The following FCN1 variants were observed in gnomAD, a reference collection of about 807,000 sequenced individuals.
FCN1 encodes ficolin 1.
Under a neutral mutation model 35.6 loss-of-function variants are expected in FCN1, and 42 were observed. The ratio of observed to expected loss-of-function variants is 1.18; its 90% CI spans 0.92 to 1.53. FCN1 has a LOEUF of 1.53. FCN1 is among the 40% of genes most tolerant of loss of function. FCN1 has a pLI of 0.00. For missense variants in FCN1, 439 were observed against 428.4 expected (o/e 1.02, Z -0.22); for synonymous variants, 179 against 169.8 (o/e 1.05, Z -0.42).
At chr9:134,914,893 C>A in intron 2 of FCN1, 84 bp from the exon 3 acceptor site, 1 of 1,042,228 alleles carries the variant, frequency 9.6e-7, no homozygotes, top group Non-Finnish European at 1.5e-6. Flanking sequence ...TGGTTAAGTC[C>A]TGACCCTCCC....
chr9:134,909,763 C>T lies in FCN1; in HGVS notation c.*35G>A. On this transcript the variant is annotated 3_prime_UTR_variant, in exon 9 of 9. Coordinates refer to ENST00000371806, the MANE Select transcript of FCN1 (RefSeq NM_002003.5). ...GCAGCGCTTGTGGGTGTGGCCTCCC[C>T]ACTAGCAGGTGCATGTGGAGGGGTC... The T allele has an allele frequency of 6.2e-7, 1 of 1,609,226 alleles. No homozygotes were observed. The highest frequency in any genetic ancestry group is 8.5e-7 in the Non-Finnish European group (1 of 1,179,648).
chr9:134,913,537 T>G (rs1564219507), intron 5 of FCN1, 44 bp downstream of exon 5: 1 of 1,535,842 alleles, frequency 6.5e-7, no homozygotes, highest in Admixed American at 1.8e-5. Flanking sequence ...GCCCCAGGGG[T>G]GGGGGCAAGG....
At chr9:134,912,883 G>A in intron 6 of FCN1, 133 bp downstream of exon 6, 1 of 1,434,624 alleles carries the variant, frequency 7.0e-7, no homozygotes, top group Admixed American at 2.1e-5. Context: ...TTACCCACGG[G>A]TCACTTCCCC....
chr9:134,916,306 T>G, intron 2 of FCN1, 42 bp downstream of exon 2: 1 of 1,423,524 alleles, frequency 7.0e-7, no homozygotes, highest in Non-Finnish European at 9.9e-7. Flanking sequence ...CAAGAGCCAG[T>G]GCCCCTGCCA....
Position 134,912,710 on chromosome 9 carries a change from C to T in FCN1, c.469-95G>A, listed in dbSNP as rs145486606. The T allele has an allele frequency of 1.7e-3, 2,559 of 1,524,444 alleles. 32 individuals are homozygous for T. In the African/African-American group the frequency reaches 0.031, roughly 18 times the overall value. 94.4% of individuals were successfully genotyped at this position (1,524,444 alleles called of 1,614,324 possible). ...CCAGAGGAGCAGCATTTGTAGTTGG[C>T]AGAGCATCACAGGCCGGTGCCACAC... On this transcript the variant is annotated intron_variant, in intron 6 of 8. Coordinates refer to ENST00000371806, the MANE Select transcript of FCN1 (RefSeq NM_002003.5).
chr9:134,905,642 A>T lies in FCN1; in HGVS notation c.*4156T>A, dbSNP rs1251293234. On this transcript the variant is annotated 3_prime_UTR_variant, in exon 9 of 9. Transcript: ENST00000371806. The stretch of plus-strand genomic sequence containing the variant: ...GGGACGATAGGCATCCCCCACCATG[A>T]ACGGCTAATTTTTTTGTATTTTTAG... Among the ~76,000 whole-genome samples, 4 of 151,388 alleles carry T rather than the reference A, an allele frequency of 2.6e-5. No homozygotes were observed. The highest frequency in any genetic ancestry group is 9.7e-5 in the African/African-American group (4 of 41,034).
Position 134,917,764 on chromosome 9 carries a change from C to T in FCN1, c.103+5G>A. The T allele has an allele frequency of 6.2e-7, 1 of 1,607,556 alleles. No individual in the cohort carries two copies. The highest frequency in any genetic ancestry group is 8.5e-7 in the Non-Finnish European group (1 of 1,174,074). ...TAGGGACCAGAAAACCCAGGTCTGTCTCACCTGGACATGTGTCCGCAGCCT... is the reference window on the plus strand; with the variant it reads ...TAGGGACCAGAAAACCCAGGTCTGTTTCACCTGGACATGTGTCCGCAGCCT... On this transcript the variant is annotated splice_donor_5th_base_variant and intron_variant, in intron 1 of 8. Coordinates refer to ENST00000371806, the MANE Select transcript of FCN1 (RefSeq NM_002003.5).
chr9:134,917,719 GT>G (rs754256515), intron 1 of FCN1, 49 bp downstream of exon 1: 1 of 1,209,166 alleles, frequency 8.3e-7, no homozygotes, highest in Non-Finnish European at 1.2e-6. Context: ...GTGTCAGTGA[GT>G]GGGGTTGTTA....
Position 134,913,814 on chromosome 9 carries a change from C to A in FCN1, c.308-201G>T, listed in dbSNP as rs182645106. ...CACCAGCCACATGGTTGTCCATAGGCCCCTGCTGTGCAGCTTGAGCTTGGT... is the reference window on the plus strand; with the variant it reads ...CACCAGCCACATGGTTGTCCATAGGACCCTGCTGTGCAGCTTGAGCTTGGT... On this transcript the variant is annotated intron_variant, in intron 4 of 8. Transcript: ENST00000371806. Among the ~76,000 whole-genome samples the A allele has an allele frequency of 7.4e-3, 1,126 of 152,358 alleles. 3 individuals are homozygous for A. Among genetic ancestry groups the A allele is most frequent in the Non-Finnish European group, 0.011 (774 of 68,038 alleles).
intron 2 of FCN1, among the ~76,000 whole-genome samples, chr9:134,915,366 C>T (rs544574215): frequency 2.0e-5 from 3 of 152,178 alleles, no homozygotes; most frequent in Non-Finnish European, 2.9e-5. Context: ...CCAGCCCGCT[C>T]GCTGACCCCA....
At chr9:134,910,181 C>T (rs1831005605) in intron 8 of FCN1, 136 bp from the exon 9 acceptor site, 15 of 797,716 alleles carry the variant, frequency 1.9e-5, no homozygotes, top group Middle Eastern at 5.3e-4. Flanking sequence ...GCACAAATGA[C>T]CCACCCAGGC....
intron 3 of FCN1, 145 bp downstream of exon 3, chr9:134,914,611 G>T (rs1053040795): frequency 1.8e-4 from 154 of 849,778 alleles, no homozygotes; most frequent in Non-Finnish European, 8.0e-5. Flanking sequence ...GTCCCTGTCC[G>T]CCTGCCACTG....
Position 134,912,472 on chromosome 9 carries a change from G to A in FCN1, c.598+14C>T, listed in dbSNP as rs748380953. On this transcript the variant is annotated intron_variant, in intron 7 of 8. Transcript: ENST00000371806. Reference sequence around the variant, plus strand: ...CAGGGCCCCCCAACCCCTGAGCCACGGCAGTGGCCCTACCCTGGGCAGTCA... The same window carrying A: ...CAGGGCCCCCCAACCCCTGAGCCACAGCAGTGGCCCTACCCTGGGCAGTCA... 3.0e-5 allele frequency: 49 copies of A among 1,612,372 alleles called. No homozygotes were observed. Among genetic ancestry groups the A allele is most frequent in the Non-Finnish European group, 3.4e-5 (40 of 1,179,056 alleles).
intron 8 of FCN1, among the ~76,000 whole-genome samples, chr9:134,910,381 G>A (rs1235901712): frequency 2.0e-5 from 3 of 152,018 alleles, no homozygotes; most frequent in Admixed American, 6.5e-5. Flanking sequence ...CTCTCCCCAC[G>A]TCCCCTGGTG....
At position 134,906,911 on chromosome 9, in the gene FCN1, A is replaced by T. The variant is rs1242290110; in HGVS notation, c.*2887T>A. 2.0e-5 allele frequency: 3 copies of T among 152,106 alleles called. No individual in the cohort carries two copies. Among genetic ancestry groups the T allele is most frequent in the African/African-American group, 7.2e-5 (3 of 41,406 alleles). The allele number at this position is 152,106 out of a possible 1,614,324, so 9.4% of individuals were successfully genotyped here. On this transcript the variant is annotated 3_prime_UTR_variant, in exon 9 of 9. Coordinates refer to ENST00000371806, the MANE Select transcript of FCN1 (RefSeq NM_002003.5). ...CACGGCGAAACCCCATCTCTACTAA[A>T]AATACAAAAAAATTGCTGGGCATGG...
rs374042944 is a variant in FCN1 at position 134,915,436 on chromosome 9, C to A, written c.218-627G>T. Among the ~76,000 whole-genome samples, 231 of 152,258 alleles carry A rather than the reference C, an allele frequency of 1.5e-3. 2 individuals are homozygous for A. In the South Asian group the frequency reaches 0.016, roughly 11 times the overall value. On this transcript the variant is annotated intron_variant, in intron 2 of 8. Transcript: ENST00000371806. ...CTTTAGGGTATATTAGCCAGCCATGCCCACTGGTAGAAGCCTGGTTCAAGG... is the reference window on the plus strand; with the variant it reads ...CTTTAGGGTATATTAGCCAGCCATGACCACTGGTAGAAGCCTGGTTCAAGG...
At chr9:134,912,749 G>T (rs898175040) in intron 6 of FCN1, 134 bp from the exon 7 acceptor site, 7 of 1,269,156 alleles carry the variant, frequency 5.5e-6, no homozygotes, top group Admixed American at 2.1e-5. Context: ...CGCCCATCTG[G>T]TCTCCTCACA....
intron 5 of FCN1, 149 bp from the exon 6 acceptor site, chr9:134,913,292 C>G: frequency 8.9e-7 from 1 of 1,121,508 alleles, no homozygotes. Flanking sequence ...ACACGGCCCC[C>G]AGGGCCACGC....
At chr9:134,914,831 CA>C (rs767721436) in intron 2 of FCN1, 22 bp from the exon 3 acceptor site, 1 of 1,602,896 alleles carries the variant, frequency 6.2e-7, no homozygotes, top group Admixed American at 1.7e-5. Flanking sequence ...AAAGACATAT[CA>C]CTGAGAAAAA....
Sources: allele counts gnomAD v4.1 joint callset (sites outside exome capture counted in the v4.1 genomes callset), GRCh38; gene constraint gnomAD v4.1.1; transcripts MANE v1.5; gene names NCBI Gene and HGNC (gene_info 2026-07-23, HGNC 2026-07-21).